LRRC7: variants seen among roughly 807,000 people sequenced by gnomAD.
LRRC7 encodes the protein leucine rich repeat containing 7.
Under a neutral mutation model 175.7 loss-of-function variants are expected in LRRC7, and 23 were observed. The observed-to-expected ratio is 0.13, with a 90% CI of 0.09 to 0.19. The LOEUF (loss-of-function observed/expected upper bound fraction) is 0.19, where lower values mean the gene tolerates loss of function less well. LRRC7 is among the 10% of genes least tolerant of loss of function. The probability of loss-of-function intolerance (pLI) is 1.00; values close to 1 mark genes in which losing one functional copy is unlikely to be tolerated. For synonymous variants in LRRC7, 685 were observed against 680.9 expected (o/e 1.01, Z -0.09); for missense variants, 1,354 against 1,904.7 (o/e 0.71, Z 5.38).
chr1:70,070,933 T>C (rs901142484), intron 23 of LRRC7, among the ~76,000 whole-genome samples: 1 of 152,172 alleles, frequency 6.6e-6, no homozygotes, highest in Non-Finnish European at 1.5e-5. Context: ...TTATTACTAG[T>C]TGATGGGAAT....
At chr1:69,600,900 C>G (rs1647041210) in intron 1 of LRRC7, among the ~76,000 whole-genome samples, 2 of 146,352 alleles carry the variant, frequency 1.4e-5, no homozygotes, top group African/African-American at 5.0e-5. Context: ...CAACCTCTGC[C>G]TCCCGGGTTC....
intron 1 of LRRC7, among the ~76,000 whole-genome samples, chr1:69,652,132 T>C (rs1655928665): frequency 6.6e-6 from 1 of 152,148 alleles, no homozygotes; most frequent in Non-Finnish European, 1.5e-5. Flanking sequence ...CAACTCTCCT[T>C]ACATCTCAAG....
chr1:69,722,451 G>C (rs1438361225), intron 2 of LRRC7, among the ~76,000 whole-genome samples: 1 of 151,968 alleles, frequency 6.6e-6, no homozygotes, highest in Non-Finnish European at 1.5e-5. Flanking sequence ...AATTTTGCTA[G>C]ATTTTATAAT....
At chr1:69,776,587 C>A (rs1207395835) in intron 3 of LRRC7, among the ~76,000 whole-genome samples, 1 of 152,116 alleles carries the variant, frequency 6.6e-6, no homozygotes, top group Non-Finnish European at 1.5e-5. Flanking sequence ...GAGTTAAGAC[C>A]AGTCAGAGAT....
intron 8 of LRRC7, among the ~76,000 whole-genome samples, chr1:69,965,930 G>A (rs1454854733): frequency 6.6e-6 from 1 of 152,034 alleles, no homozygotes; most frequent in Admixed American, 6.6e-5. Context: ...GAACTAAAGG[G>A]CTAGTAATAA....
At chr1:69,960,849 T>C (rs1650998080) in intron 8 of LRRC7, among the ~76,000 whole-genome samples, 1 of 152,048 alleles carries the variant, frequency 6.6e-6, no homozygotes, top group Non-Finnish European at 1.5e-5. Flanking sequence ...ATAAGAGCCA[T>C]ATATGGCAAA....
intron 3 of LRRC7, among the ~76,000 whole-genome samples, chr1:69,786,554 G>A (rs896892943): frequency 5.3e-5 from 8 of 152,018 alleles, no homozygotes. Flanking sequence ...AAAAGAAAGA[G>A]GTTTGTTGGA....
At chr1:69,874,725 T>C (rs936385977) in intron 7 of LRRC7, 2 of 152,110 alleles carry the variant, frequency 1.3e-5, no homozygotes, top group African/African-American at 4.8e-5. Context: ...TATATAAATA[T>C]AAAATTGCCT....
intron 2 of LRRC7, among the ~76,000 whole-genome samples, chr1:69,704,186 A>G (rs1663734368): frequency 6.6e-6 from 1 of 152,028 alleles, no homozygotes; most frequent in Non-Finnish European, 1.5e-5. Flanking sequence ...ACTAGTTTAT[A>G]AAAGACTTTT....
At chr1:69,781,186 C>A (rs1389483308) in intron 3 of LRRC7, among the ~76,000 whole-genome samples, 1 of 152,074 alleles carries the variant, frequency 6.6e-6, no homozygotes, top group Non-Finnish European at 1.5e-5. Flanking sequence ...TTACTCTAAG[C>A]TCCTCTCTGT....
chr1:69,993,545 A>G (rs1435831035), intron 10 of LRRC7, among the ~76,000 whole-genome samples: 1 of 152,200 alleles, frequency 6.6e-6, no homozygotes, highest in Non-Finnish European at 1.5e-5. Context: ...ACACACACAC[A>G]AAGACACACA....
intron 1 of LRRC7, among the ~76,000 whole-genome samples, chr1:69,602,813 A>G (rs990586308): frequency 6.6e-6 from 1 of 152,234 alleles, no homozygotes; most frequent in Non-Finnish European, 1.5e-5. Flanking sequence ...CAGTGATCCC[A>G]TAAGATTATA....
chr1:70,108,507 C>T (rs1665297437), intron 26 of LRRC7, among the ~76,000 whole-genome samples: 1 of 152,134 alleles, frequency 6.6e-6, no homozygotes, highest in South Asian at 2.1e-4. Flanking sequence ...ATTTGAAGCT[C>T]ATTAATTCAC....
intron 20 of LRRC7, among the ~76,000 whole-genome samples, chr1:70,037,838 T>C (rs1488456705): frequency 6.6e-6 from 1 of 152,098 alleles, no homozygotes; most frequent in Non-Finnish European, 1.5e-5. Context: ...GTTTATATTC[T>C]AGCAGAGGAC....
chr1:69,965,175 A>T (rs1321685264), intron 8 of LRRC7, among the ~76,000 whole-genome samples: 1 of 152,226 alleles, frequency 6.6e-6, no homozygotes, highest in Non-Finnish European at 1.5e-5. Context: ...TCTTGTTCAC[A>T]TGTACTTCTG....
At position 70,078,791 on chromosome 1, in the gene LRRC7, T is replaced by TAC. The variant is rs1385043974; in HGVS notation, c.4452+2494_4452+2495dup. On this transcript the variant is annotated intron_variant, in intron 24 of 26. Transcript: ENST00000651989. Reference sequence around the variant, plus strand: ...GAGTCAAATAATACAGTTCTACATATACGCGCGCGCGCGCGCGCGCACACA... The same window carrying TAC: ...GAGTCAAATAATACAGTTCTACATATACACGCGCGCGCGCGCGCGCGCACACA... 3.7e-4 allele frequency among the ~76,000 whole-genome samples: 49 copies of TAC among 132,798 alleles called. 1 individual carries two copies. Among genetic ancestry groups the TAC allele is most frequent in the African/African-American group, 1.5e-3 (44 of 29,166 alleles). 87.1% of individuals were successfully genotyped at this position (132,798 alleles called of 152,430 possible). A position where few individuals can be genotyped will look rare whatever the true frequency, so the allele number is the denominator to read the frequency against.
At chr1:69,928,224 G>A (rs1647153098) in intron 7 of LRRC7, among the ~76,000 whole-genome samples, 3 of 152,162 alleles carry the variant, frequency 2.0e-5, no homozygotes, top group African/African-American at 7.2e-5. Flanking sequence ...ACTGTGGGGT[G>A]CCTCCCAGTT....
At chr1:69,864,565 G>A (rs1484029156) in intron 7 of LRRC7, among the ~76,000 whole-genome samples, 1 of 152,134 alleles carries the variant, frequency 6.6e-6, no homozygotes, top group African/African-American at 2.4e-5. Flanking sequence ...GTTTGTTAAT[G>A]TTAAGAAGAG....
intron 8 of LRRC7, among the ~76,000 whole-genome samples, chr1:69,973,436 T>G (rs890489257): frequency 6.6e-6 from 1 of 151,904 alleles, no homozygotes; most frequent in Non-Finnish European, 1.5e-5. Flanking sequence ...CCTATGGAAA[T>G]AAAAAATTTT....
Sources: allele counts gnomAD v4.1 joint callset (sites outside exome capture counted in the v4.1 genomes callset), GRCh38; gene constraint gnomAD v4.1.1; transcripts MANE v1.5; gene names NCBI Gene and HGNC (gene_info 2026-07-23, HGNC 2026-07-21).